Variants in ASCC3 observed in about 807,000 individuals in gnomAD.
ASCC3 encodes the protein activating signal cointegrator 1 complex subunit 3.
In ASCC3, 158 loss-of-function variants were observed where a neutral mutation model predicts 256.3. The observed-to-expected ratio is 0.62, with a 90% CI of 0.54 to 0.70. The LOEUF (loss-of-function observed/expected upper bound fraction) is 0.70, where lower values mean the gene tolerates loss of function less well. Ranked by LOEUF, ASCC3 falls within the 30% of genes least tolerant of loss-of-function variation. ASCC3 has a pLI of 0.00. For synonymous variants in ASCC3, 948 were observed against 883.4 expected (o/e 1.07, Z -1.30); for missense variants, 2,259 against 2,626.0 (o/e 0.86, Z 3.05).
chr6:100,601,613 T>C (rs1464434358), intron 34 of ASCC3, among the ~76,000 whole-genome samples, 197 bp downstream of exon 34: 2 of 152,076 alleles, frequency 1.3e-5, no homozygotes, highest in African/African-American at 4.8e-5. Flanking sequence ...ATAGGTTAAG[T>C]AACAAATGCA....
At chr6:100,676,277 TTCTA>T (rs1443681937) in intron 14 of ASCC3, among the ~76,000 whole-genome samples, 4 of 152,358 alleles carry the variant, frequency 2.6e-5, no homozygotes, top group Middle Eastern at 3.4e-3. Flanking sequence ...TCATACATCA[TTCTA>T]TCTGTTTCTC....
At chr6:100,639,000 A>G (rs192170699) in intron 24 of ASCC3, among the ~76,000 whole-genome samples, 179 bp from the exon 25 acceptor site, 8 of 152,100 alleles carry the variant, frequency 5.3e-5, no homozygotes, top group African/African-American at 1.9e-4. Flanking sequence ...GCAAGTAACC[A>G]CATTTACCAT....
intron 36 of ASCC3, among the ~76,000 whole-genome samples, chr6:100,578,887 C>T (rs1054048844): frequency 6.6e-6 from 1 of 152,002 alleles, no homozygotes; most frequent in Admixed American, 6.6e-5. Context: ...CTACCAGCAA[C>T]ATATTTTGAC....
At chr6:100,869,345 C>T (rs1320876455) in intron 1 of ASCC3, among the ~76,000 whole-genome samples, 1 of 152,164 alleles carries the variant, frequency 6.6e-6, no homozygotes, top group Non-Finnish European at 1.5e-5. Context: ...TTCCTCTTGA[C>T]TACTGTATTC....
chr6:100,822,630 C>T (rs1008651795), intron 4 of ASCC3, among the ~76,000 whole-genome samples: 5 of 151,836 alleles, frequency 3.3e-5, no homozygotes, highest in Non-Finnish European at 7.4e-5. Flanking sequence ...AACCTCTGTG[C>T]TTAAGGTTAA....
chr6:100,551,882 C>T (rs1321824601), intron 36 of ASCC3, among the ~76,000 whole-genome samples: 1 of 151,900 alleles, frequency 6.6e-6, no homozygotes, highest in African/African-American at 2.4e-5. Context: ...AGTAACTCAT[C>T]CCTTTAGAGA....
intron 5 of ASCC3, among the ~76,000 whole-genome samples, chr6:100,803,352 T>C (rs1427631767): frequency 2.0e-5 from 3 of 152,106 alleles, no homozygotes; most frequent in Non-Finnish European, 4.4e-5. Flanking sequence ...GTGATAGTGA[T>C]TGAGTTCTCA....
chr6:100,655,639 A>C, intron 17 of ASCC3, 60 bp downstream of exon 17: 1 of 1,558,698 alleles, frequency 6.4e-7, no homozygotes, highest in South Asian at 1.1e-5. Flanking sequence ...ATCTATCCTC[A>C]TATCATGAAA....
intron 30 of ASCC3, among the ~76,000 whole-genome samples, chr6:100,621,471 AC>A (rs1773947996): frequency 6.6e-6 from 1 of 152,218 alleles, no homozygotes; most frequent in African/African-American, 2.4e-5. Flanking sequence ...AATGTGGTCA[AC>A]AAACATATGA....
chr6:100,767,431 TG>T, intron 8 of ASCC3, 86 bp from the exon 9 acceptor site: 1 of 1,378,908 alleles, frequency 7.3e-7, no homozygotes, highest in Non-Finnish European at 1.0e-6. Context: ...TTATTTCCTT[TG>T]TTTTTTAAAA....
At chr6:100,670,634 T>C (rs181898556) in intron 14 of ASCC3, among the ~76,000 whole-genome samples, 8 of 129,756 alleles carry the variant, frequency 6.2e-5, no homozygotes, top group East Asian at 2.3e-4. Flanking sequence ...TACAACCAAC[T>C]TTTTTTCCCC....
At chr6:100,693,627 G>A (rs1166821803) in intron 13 of ASCC3, among the ~76,000 whole-genome samples, 1 of 152,086 alleles carries the variant, frequency 6.6e-6, no homozygotes, top group African/African-American at 2.4e-5. Flanking sequence ...GAAAACTGCT[G>A]ATTTGCTTGG....
chr6:100,672,872 A>G (rs1776820107), intron 14 of ASCC3, among the ~76,000 whole-genome samples: 1 of 152,130 alleles, frequency 6.6e-6, no homozygotes, highest in South Asian at 2.1e-4. Flanking sequence ...CACTTTATTT[A>G]TATTGATACC....
At chr6:100,649,408 CAA>C (rs1168529956) in intron 20 of ASCC3, among the ~76,000 whole-genome samples, 3 of 151,150 alleles carry the variant, frequency 2.0e-5, no homozygotes, top group Non-Finnish European at 4.4e-5. Context: ...ACAGATAAAA[CAA>C]AGGAGATTAG....
chr6:100,747,779 G>T (rs1716944157), intron 10 of ASCC3, among the ~76,000 whole-genome samples: 1 of 152,070 alleles, frequency 6.6e-6, no homozygotes, highest in African/African-American at 2.4e-5. Context: ...GGTTCCATAG[G>T]TATACACATG....
intron 16 of ASCC3, among the ~76,000 whole-genome samples, chr6:100,660,936 GT>G (rs200133035): frequency 0.014 from 2,129 of 151,736 alleles, 41 homozygotes; most frequent in African/African-American, 0.049. Flanking sequence ...AATAGTAAGT[GT>G]GTTTTTCATT....
chr6:100,795,940 A>G (rs1232317157), intron 8 of ASCC3, among the ~76,000 whole-genome samples: 1 of 152,110 alleles, frequency 6.6e-6, no homozygotes, highest in Non-Finnish European at 1.5e-5. Context: ...TTTTCTCCCA[A>G]TGTCTGTATT....
At chr6:100,702,304 G>C (rs1259302337) in intron 13 of ASCC3, among the ~76,000 whole-genome samples, 5 of 152,142 alleles carry the variant, frequency 3.3e-5, no homozygotes, top group Admixed American at 3.3e-4. Flanking sequence ...GACTGAGGGA[G>C]AGAGAGTTGA....
chr6:100,518,399 T>C (rs961949927), intron 37 of ASCC3, among the ~76,000 whole-genome samples: 1 of 152,074 alleles, frequency 6.6e-6, no homozygotes, highest in African/African-American at 2.4e-5. Context: ...GCTAGCTACA[T>C]AAAATTGGTA....
Sources: gnomAD v4.1 joint callset for allele counts (sites outside exome capture counted in the v4.1 genomes callset) on GRCh38, gnomAD v4.1.1 for gene constraint, MANE v1.5 for transcripts, NCBI Gene and HGNC (gene_info 2026-07-23, HGNC 2026-07-21) for gene names.